Variants in SYCP2 observed in about 807,000 individuals in gnomAD.
The protein encoded by SYCP2 is synaptonemal complex lateral element protein.
In SYCP2, 55 loss-of-function variants were observed where a neutral mutation model predicts 211.3. That is an observed-to-expected ratio of 0.26 (90% CI 0.21 to 0.33). The LOEUF is 0.33. Among genes scored for constraint, SYCP2 ranks in the 10% least tolerant of loss-of-function variants. The pLI is 1.00. For missense variants in SYCP2, 1,731 were observed against 1,752.0 expected (o/e 0.99, Z 0.21); for synonymous variants, 570 against 555.2 (o/e 1.03, Z -0.37).
intron 3 of SYCP2, among the ~76,000 whole-genome samples, chr20:59,921,894 A>G (rs1202672566): frequency 1.3e-5 from 2 of 151,608 alleles, no homozygotes; most frequent in African/African-American, 4.8e-5. Context: ...GCCAACTAAC[A>G]TAAATTAAGC....
At chr20:59,864,915 C>T (rs1390121415) in intron 44 of SYCP2, among the ~76,000 whole-genome samples, 2 of 152,010 alleles carry the variant, frequency 1.3e-5, no homozygotes. Context: ...GGTCCATCCA[C>T]ATTTCCCCCC....
intron 15 of SYCP2, among the ~76,000 whole-genome samples, chr20:59,902,892 T>C (rs2060142316): frequency 6.6e-6 from 1 of 152,150 alleles, no homozygotes; most frequent in Non-Finnish European, 1.5e-5. Flanking sequence ...TTAAAAATGA[T>C]GTTTCATGTT....
At chr20:59,865,337 A>T (rs755443909) in intron 44 of SYCP2, 51 bp downstream of exon 44, 3 of 1,449,386 alleles carry the variant, frequency 2.1e-6, no homozygotes, top group Non-Finnish European at 2.8e-6. Context: ...AAAATCAAAA[A>T]CAAAAGACAT....
chr20:59,912,255 T>C (rs760071913), intron 13 of SYCP2, 118 bp downstream of exon 13: 12 of 539,706 alleles, frequency 2.2e-5, no homozygotes, highest in Non-Finnish European at 4.0e-5. Flanking sequence ...CTAGACCAGC[T>C]ACATTCATGA....
At chr20:59,896,115 A>G (rs2060002705) in intron 19 of SYCP2, among the ~76,000 whole-genome samples, 1 of 152,118 alleles carries the variant, frequency 6.6e-6, no homozygotes, top group African/African-American at 2.4e-5. Context: ...ATATCTGTAC[A>G]AAGTACACAG....
Position 59,864,371 on chromosome 20 carries a change from A to G in SYCP2, c.4533T>C (p.Leu1511=). 6.2e-7 allele frequency: 1 copy of G among 1,604,360 alleles called. No individual in the cohort carries two copies. The highest frequency in any genetic ancestry group is 8.5e-7 in the Non-Finnish European group (1 of 1,175,430). ...CTGACATCAGTTCTCTGCGTACATT[A>G]AGAAGCTCCTCTTCTAGCTATAGCC... ...LLKDMLEEEL[L]NVRRELMSVF... is the part of the protein sequence containing the mutation. The change falls in exon 45 of 45, where the codon CTT becomes CTC. Residue 1511 remains leucine, a synonymous_variant. Transcript: ENST00000357552.
At chr20:59,915,814 T>C (rs111242446) in intron 8 of SYCP2, 4 of 224,584 alleles carry the variant, frequency 1.8e-5, no homozygotes, top group East Asian at 1.0e-4. Context: ...GCCAACATAG[T>C]GAAACCCCGT....
rs369234445 is a variant in SYCP2, at chr20:59,866,598, T to C, written c.4126-9A>G. The C allele has an allele frequency of 8.4e-5, 131 of 1,558,032 alleles. No homozygotes were observed. The highest frequency in any genetic ancestry group is 6.4e-5 in the Non-Finnish European group (74 of 1,149,404). On this transcript the variant is annotated splice_polypyrimidine_tract_variant and intron_variant, in intron 39 of 44. Coordinates refer to ENST00000357552, the MANE Select transcript of SYCP2 (RefSeq NM_014258.4). ...AACATTTTATGTCGGATCTGAAAAA[T>C]ACTCATTTTTAAGTTAAAATATCTT...
intron 2 of SYCP2, among the ~76,000 whole-genome samples, chr20:59,925,232 G>A (rs2060612679): frequency 6.6e-6 from 1 of 151,976 alleles, no homozygotes; most frequent in Admixed American, 6.6e-5. Context: ...GCAGGAGGGA[G>A]AGCATTAGGA....
intron 7 of SYCP2, among the ~76,000 whole-genome samples, chr20:59,917,751 A>G (rs894656578): frequency 2.0e-5 from 3 of 152,322 alleles, no homozygotes; most frequent in South Asian, 4.1e-4. Flanking sequence ...CAGAGCTAAA[A>G]TAAGTTGGAT....
chr20:59,900,743 C>G lies in SYCP2; in HGVS notation c.1257+1G>C. ...AAAAATCAAGTAAGTCTGAGACATA[C>G]CTGTGATCCACTTGCGTCAAAAAGT... On this transcript the variant is annotated splice_donor_variant, in intron 17 of 44. Coordinates refer to ENST00000357552, the MANE Select transcript of SYCP2 (RefSeq NM_014258.4). LOFTEE classifies it high-confidence loss of function. 2.5e-6 allele frequency: 4 copies of G among 1,611,894 alleles called. No homozygotes were observed. Among genetic ancestry groups the G allele is most frequent in the Non-Finnish European group, 3.4e-6 (4 of 1,178,462 alleles).
intron 2 of SYCP2, among the ~76,000 whole-genome samples, chr20:59,926,052 C>G (rs2060628737): frequency 6.6e-6 from 1 of 151,998 alleles, no homozygotes; most frequent in Admixed American, 6.6e-5. Context: ...AGCTTCCATT[C>G]AGGAATCTGC....
At chr20:59,921,903 G>A (rs1343046229) in intron 3 of SYCP2, among the ~76,000 whole-genome samples, 1 of 151,388 alleles carries the variant, frequency 6.6e-6, no homozygotes, top group Non-Finnish European at 1.5e-5. Context: ...CATAAATTAA[G>A]CATTACCATT....
chr20:59,923,925 C>T (rs1321174416), intron 2 of SYCP2, among the ~76,000 whole-genome samples: 1 of 151,868 alleles, frequency 6.6e-6, no homozygotes, highest in Non-Finnish European at 1.5e-5. Context: ...TCAATAATTA[C>T]ATTGAAAGTA....
intron 26 of SYCP2, among the ~76,000 whole-genome samples, chr20:59,885,362 T>C (rs1434367778): frequency 6.6e-6 from 1 of 152,056 alleles, no homozygotes; most frequent in Non-Finnish European, 1.5e-5. Context: ...TGTTAACACA[T>C]AAAACCTATT....
At chr20:59,902,378 ACTCT>A (rs1018635850) in intron 15 of SYCP2, among the ~76,000 whole-genome samples, 19 of 151,900 alleles carry the variant, frequency 1.3e-4, no homozygotes, top group African/African-American at 4.3e-4. Context: ...AAATAGTCAC[ACTCT>A]CCCTCCCTAC....
At chr20:59,924,738 G>A (rs1568987931) in intron 2 of SYCP2, among the ~76,000 whole-genome samples, 1 of 151,990 alleles carries the variant, frequency 6.6e-6, no homozygotes, top group South Asian at 2.1e-4. Context: ...AAAAAGAAAA[G>A]ATAGCTACCA....
chr20:59,901,586 C>T (rs1031120570), intron 16 of SYCP2, 76 bp downstream of exon 16: 47 of 890,282 alleles, frequency 5.3e-5, no homozygotes, highest in Middle Eastern at 3.0e-4. Context: ...AAGGAAAAAA[C>T]GCAATAAAAC....
chr20:59,913,139 A>T (rs189349221), intron 12 of SYCP2, among the ~76,000 whole-genome samples: 17 of 152,358 alleles, frequency 1.1e-4, no homozygotes, highest in Admixed American at 1.1e-3. Flanking sequence ...TAATTACATT[A>T]AAAATGGTTA....
Sources: gnomAD v4.1 joint callset for allele counts (sites outside exome capture counted in the v4.1 genomes callset) on GRCh38, gnomAD v4.1.1 for gene constraint, MANE v1.5 for transcripts, NCBI Gene and HGNC (gene_info 2026-07-23, HGNC 2026-07-21) for gene names.